LRP2BP: variants seen among roughly 807,000 people sequenced by gnomAD.
LRP2BP encodes the protein LRP2-binding protein.
In LRP2BP, 38 loss-of-function variants were observed where a neutral mutation model predicts 45.2. The observed-to-expected ratio is 0.84, with a 90% CI of 0.65 to 1.10. LRP2BP has a LOEUF of 1.10. Among genes scored for constraint, LRP2BP ranks in the 50% least tolerant of loss-of-function variants. LRP2BP has a pLI of 0.00. For missense variants in LRP2BP, 385 were observed against 418.9 expected (o/e 0.92, Z 0.71); for synonymous variants, 153 against 153.9 (o/e 0.99, Z 0.04).
At chr4:185,394,207 T>C (rs1359155144) in intron 1 of LRP2BP, among the ~76,000 whole-genome samples, 1 of 146,780 alleles carries the variant, frequency 6.8e-6, no homozygotes, top group African/African-American at 2.5e-5. Context: ...TGCAGTGAGC[T>C]GAGATCACGC....
chr4:185,392,533 AC>A lies in LRP2BP; in HGVS notation c.-22+2245del, dbSNP rs148478035. On this transcript the variant is annotated intron_variant, in intron 1 of 8. Coordinates refer to ENST00000505916, the MANE Select transcript of LRP2BP (RefSeq NM_001377440.1). ...AATTATTAGGGTAATGGGTTTCTTG[AC>A]AGTGGCATTGCAATGAAGCCCAGAA... Among the ~76,000 whole-genome samples, 779 of 152,230 alleles carry A rather than the reference AC, an allele frequency of 5.1e-3. 9 individuals carry two copies. Among genetic ancestry groups the A allele is most frequent in the African/African-American group, 0.018 (741 of 41,540 alleles).
intron 7 of LRP2BP, 48 bp downstream of exon 7, chr4:185,372,808 G>C: frequency 7.0e-7 from 1 of 1,432,224 alleles, no homozygotes. Flanking sequence ...AAATTACCTA[G>C]TGTGTGATAT....
intron 1 of LRP2BP, among the ~76,000 whole-genome samples, chr4:185,384,811 A>G (rs927471821): frequency 6.6e-6 from 1 of 152,136 alleles, no homozygotes; most frequent in African/African-American, 2.4e-5. Flanking sequence ...AAATTAGAAG[A>G]GAATAACTTA....
intron 1 of LRP2BP, among the ~76,000 whole-genome samples, chr4:185,386,786 A>C (rs1208580205): frequency 6.6e-6 from 1 of 152,182 alleles, no homozygotes; most frequent in African/African-American, 2.4e-5. Context: ...GGACTTACTG[A>C]AAGGACTAGC....
intron 1 of LRP2BP, among the ~76,000 whole-genome samples, chr4:185,389,675 C>A (rs911020723): frequency 5.9e-5 from 9 of 152,078 alleles, no homozygotes. Flanking sequence ...TCCAGTAAAT[C>A]ATTTTTAGTT....
At chr4:185,373,331 C>A (rs1205614294) in intron 6 of LRP2BP, among the ~76,000 whole-genome samples, 1 of 152,186 alleles carries the variant, frequency 6.6e-6, no homozygotes, top group Non-Finnish European at 1.5e-5. Context: ...GGAAGACCAG[C>A]TGTCCTAGGT....
At chr4:185,376,832 ACT>A (rs1363526390) in intron 3 of LRP2BP, 75 bp downstream of exon 3, 19 of 980,402 alleles carry the variant, frequency 1.9e-5, no homozygotes, top group East Asian at 1.2e-4. Context: ...ACAGTAAGAA[ACT>A]CTACATGAAA....
At chr4:185,375,516 G>GTATATA (rs775935216) in intron 4 of LRP2BP, 97 bp downstream of exon 4, 10,152 of 46,530 alleles carry the variant, frequency 0.22, 1,193 homozygotes, top group African/African-American at 0.29. Context: ...ATATATATAT[G>GTATATA]TATATATATA....
intron 1 of LRP2BP, among the ~76,000 whole-genome samples, chr4:185,391,140 A>G (rs1412279150): frequency 6.6e-6 from 1 of 152,186 alleles, no homozygotes; most frequent in Non-Finnish European, 1.5e-5. Context: ...GTGTATCCTA[A>G]AGAATGTCCC....
At chr4:185,385,408 G>C (rs2095468295) in intron 1 of LRP2BP, among the ~76,000 whole-genome samples, 1 of 151,962 alleles carries the variant, frequency 6.6e-6, no homozygotes, top group Non-Finnish European at 1.5e-5. Flanking sequence ...ATCATAAAAA[G>C]AATTGACAAA....
At chr4:185,392,766 G>A (rs561314858) in intron 1 of LRP2BP, among the ~76,000 whole-genome samples, 1 of 152,098 alleles carries the variant, frequency 6.6e-6, no homozygotes, top group Admixed American at 6.5e-5. Flanking sequence ...TACTTCTAAG[G>A]CTCAGTGGAC....
chr4:185,381,427 G>T (rs2095455908), intron 1 of LRP2BP, among the ~76,000 whole-genome samples: 1 of 152,154 alleles, frequency 6.6e-6, no homozygotes, highest in South Asian at 2.1e-4. Context: ...AAACATAGTA[G>T]TAGTAGTTAC....
At chr4:185,372,631 C>T (rs578193401) in intron 7 of LRP2BP, among the ~76,000 whole-genome samples, 26 of 152,174 alleles carry the variant, frequency 1.7e-4, no homozygotes, top group Non-Finnish European at 3.4e-4. Context: ...TAAGAGGCGA[C>T]GAGGCCATGA....
intron 1 of LRP2BP, among the ~76,000 whole-genome samples, chr4:185,384,537 G>A (rs1295521618): frequency 1.3e-5 from 2 of 151,056 alleles, no homozygotes; most frequent in African/African-American, 4.9e-5. Flanking sequence ...CTTAATAGTT[G>A]GCCTAATCCA....
chr4:185,373,065 A>G lies in LRP2BP; in HGVS notation c.594T>C (p.His198=), dbSNP rs915642326. 1 of 1,606,494 alleles carries G rather than the reference A, an allele frequency of 6.2e-7. No homozygotes were observed. The highest frequency in any genetic ancestry group is 8.5e-7 in the Non-Finnish European group (1 of 1,173,452). Residue 198 remains histidine, a synonymous_variant, in exon 7 of 9, where the codon CAT becomes CAC. Coordinates refer to ENST00000505916, the MANE Select transcript of LRP2BP (RefSeq NM_001377440.1). ...GATTCCCATTGCCACATGCTTCGGA[A>G]TGCCAGTAAAATGCCTAAGAAAAGC... The part of the protein sequence containing the change: ...PKELEKAFYW[H]SEACGNGNLE...
In LRP2BP at chr4:185,373,014, G is replaced by A; in HGVS notation, c.645C>T (p.Leu215=). 1 of 1,613,650 alleles carries A rather than the reference G, an allele frequency of 6.2e-7. No individual in the cohort carries two copies. The change falls in exon 7 of 9, where the codon CTC becomes CTT. Residue 215 remains leucine (L), a synonymous_variant. Coordinates refer to ENST00000505916, the MANE Select transcript of LRP2BP (RefSeq NM_001377440.1). ...GGATGCCTTGTCCATACAAGTACAT[G>A]AGCCCAAGTGCACCCTGGGACTCCA... ...GNLESQGALG[L]MYLYGQGIRQ... is the part of the protein sequence containing the mutation.
chr4:185,378,879 C>A, intron 1 of LRP2BP: 2 of 985,380 alleles, frequency 2.0e-6, no homozygotes, highest in Non-Finnish European at 2.4e-6. Context: ...ACTGTTATGG[C>A]TTACTTTCAC....
chr4:185,396,755 G>A (rs1561100559), upstream of LRP2BP: 2 of 706,510 alleles, frequency 2.8e-6, no homozygotes, highest in Non-Finnish European at 5.0e-6. Context: ...AGGCTGCTCG[G>A]GCGTAACCGG....
chr4:185,397,047 G>A, upstream of LRP2BP: 1 of 1,610,132 alleles, frequency 6.2e-7, no homozygotes, highest in African/African-American at 1.3e-5. Context: ...ACTGGGCGCT[G>A]CCTGGTCAGA....
Sources: gnomAD v4.1 joint callset for allele counts (sites outside exome capture counted in the v4.1 genomes callset) on GRCh38, gnomAD v4.1.1 for gene constraint, MANE v1.5 for transcripts, NCBI Gene and HGNC (gene_info 2026-07-23, HGNC 2026-07-21) for gene names.